PARD3: variants seen among roughly 807,000 people sequenced by gnomAD.
The protein encoded by PARD3 is partitioning defective 3 homolog.
A neutral mutation model predicts 155.4 loss-of-function variants in PARD3; 75 were observed. That is an observed-to-expected ratio of 0.48 (90% confidence interval 0.40 to 0.58). The LOEUF (loss-of-function observed/expected upper bound fraction) is 0.58. Ranked by LOEUF, PARD3 falls within the 20% of genes least tolerant of loss-of-function variation. PARD3 has a pLI of 0.00. For missense variants in PARD3, 1,642 were observed against 1,721.7 expected (o/e 0.95, Z 0.82); for synonymous variants, 576 against 610.5 (o/e 0.94, Z 0.83).
intron 20 of PARD3, among the ~76,000 whole-genome samples, chr10:34,294,097 G>A (rs2133982808): frequency 6.6e-6 from 1 of 152,154 alleles, no homozygotes; most frequent in South Asian, 2.1e-4. Context: ...ACAAACAACA[G>A]GAGGTATTCA....
chr10:34,237,983 A>G (rs1232729207), intron 22 of PARD3, among the ~76,000 whole-genome samples: 1 of 152,186 alleles, frequency 6.6e-6, no homozygotes, highest in Non-Finnish European at 1.5e-5. Context: ...GAGCAAAAAG[A>G]GAAAAAAGCA....
chr10:34,372,766 C>T (rs1241843716), intron 11 of PARD3, among the ~76,000 whole-genome samples: 1 of 152,056 alleles, frequency 6.6e-6, no homozygotes, highest in African/African-American at 2.4e-5. Flanking sequence ...TTTTTACTTG[C>T]TCATTCACAG....
intron 23 of PARD3, among the ~76,000 whole-genome samples, chr10:34,125,815 A>C (rs1337683060): frequency 2.0e-5 from 3 of 152,262 alleles, no homozygotes; most frequent in African/African-American, 7.2e-5. Flanking sequence ...GTCACTCCCA[A>C]CCTGGGATGG....
chr10:34,739,837 T>A lies in PARD3; in HGVS notation c.121-43418A>T, dbSNP rs1056357581. On this transcript the variant is annotated intron_variant, in intron 1 of 24. Transcript: ENST00000374788. ...TGTGCAAGATTCTATGCATAGAGGA[T>A]CTCTCTGCACATACCACATAGAATG... Among the ~76,000 whole-genome samples, 11 of 152,104 alleles carry A rather than the reference T, an allele frequency of 7.2e-5. No individual in the cohort carries two copies. In the South Asian group the frequency reaches 2.1e-3, roughly 29 times the overall value.
chr10:34,527,628 T>C (rs533946717), intron 2 of PARD3, among the ~76,000 whole-genome samples: 12 of 152,338 alleles, frequency 7.9e-5, no homozygotes, highest in South Asian at 4.1e-4. Context: ...CTTCAAGTTC[T>C]GAATGAAAGT....
chr10:34,428,871 G>A (rs900960773), intron 5 of PARD3, among the ~76,000 whole-genome samples: 24 of 152,130 alleles, frequency 1.6e-4, no homozygotes, highest in African/African-American at 5.6e-4. Context: ...CAAAATAGAA[G>A]TACGAATCAG....
At chr10:34,527,901 G>C (rs967773586) in intron 2 of PARD3, among the ~76,000 whole-genome samples, 1 of 152,144 alleles carries the variant, frequency 6.6e-6, no homozygotes, top group African/African-American at 2.4e-5. Context: ...ACAAAGGAGA[G>C]ATAACGGTGT....
intron 2 of PARD3, among the ~76,000 whole-genome samples, chr10:34,665,358 C>CA (rs201938800): frequency 0.015 from 1,704 of 114,832 alleles, 40 homozygotes; most frequent in African/African-American, 0.072. Flanking sequence ...CTGAAAAAAA[C>CA]AAACAAAAAA....
At chr10:34,498,149 G>T (rs184871252) in intron 3 of PARD3, among the ~76,000 whole-genome samples, 1 of 152,026 alleles carries the variant, frequency 6.6e-6, no homozygotes, top group Non-Finnish European at 1.5e-5. Context: ...TTTCAAATAC[G>T]AGTAGCATAG....
intron 2 of PARD3, among the ~76,000 whole-genome samples, chr10:34,561,402 T>A (rs896859182): frequency 2.6e-5 from 4 of 152,344 alleles, no homozygotes; most frequent in South Asian, 2.1e-4. Context: ...CAGTTTCCAT[T>A]TATCTTTATA....
Position 34,609,559 on chromosome 10 carries a change from T to G in PARD3, c.222+86759A>C, listed in dbSNP as rs556194639. ...ACTTACTTCCCTCTTTTTGTTTGTT[T>G]AGAGACAAGGTCTCCCTTTGTCACC... On this transcript the variant is annotated intron_variant, in intron 2 of 24. Transcript: ENST00000374788. Among the ~76,000 whole-genome samples the G allele has an allele frequency of 1.2e-4, 19 of 152,308 alleles. No individual in the cohort carries two copies. In the East Asian group the frequency reaches 3.7e-3, roughly 29 times the overall value.
chr10:34,206,641 A>G (rs1951493801), intron 22 of PARD3, among the ~76,000 whole-genome samples: 2 of 152,236 alleles, frequency 1.3e-5, no homozygotes, highest in African/African-American at 4.8e-5. Context: ...AGCAGCTCGG[A>G]GCAGTTCTGC....
chr10:34,248,819 A>T (rs1429860599), intron 22 of PARD3, among the ~76,000 whole-genome samples: 1 of 152,256 alleles, frequency 6.6e-6, no homozygotes, highest in Non-Finnish European at 1.5e-5. Flanking sequence ...ATTCATACTC[A>T]CACAAAGCAA....
chr10:34,183,327 C>T (rs910978558), intron 22 of PARD3, among the ~76,000 whole-genome samples: 2 of 151,980 alleles, frequency 1.3e-5, no homozygotes, highest in South Asian at 2.1e-4. Flanking sequence ...TCCCTGGGCT[C>T]GGGTGATCCT....
intron 22 of PARD3, among the ~76,000 whole-genome samples, chr10:34,181,903 AGAGG>A (rs1358920965): frequency 3.9e-5 from 6 of 152,274 alleles, no homozygotes; most frequent in Middle Eastern, 6.8e-3. Context: ...GGGTAAGGAT[AGAGG>A]GAAAAGGTGC....
At chr10:34,356,186 C>T (rs963780534) in intron 14 of PARD3, among the ~76,000 whole-genome samples, 3 of 152,068 alleles carry the variant, frequency 2.0e-5, no homozygotes, top group East Asian at 1.9e-4. Flanking sequence ...TGTGCCCTGT[C>T]GCGACTAATG....
intron 22 of PARD3, among the ~76,000 whole-genome samples, chr10:34,184,475 G>A (rs1351896085): frequency 6.6e-6 from 1 of 152,144 alleles, no homozygotes; most frequent in East Asian, 1.9e-4. Flanking sequence ...ATTAATTAAT[G>A]TTTGCAAAGT....
At chr10:34,673,704 T>C (rs2093647903) in intron 2 of PARD3, among the ~76,000 whole-genome samples, 1 of 152,226 alleles carries the variant, frequency 6.6e-6, no homozygotes, top group African/African-American at 2.4e-5. Flanking sequence ...TTCTGTTTTC[T>C]ATTTAGGAAT....
intron 3 of PARD3, among the ~76,000 whole-genome samples, chr10:34,483,458 G>A (rs2079223442): frequency 7.0e-6 from 1 of 141,954 alleles, no homozygotes; most frequent in Admixed American, 7.3e-5. Context: ...CTCAAGCCTG[G>A]ACGACAGAGT....
Sources: gnomAD v4.1 joint callset for allele counts (sites outside exome capture counted in the v4.1 genomes callset) on GRCh38, gnomAD v4.1.1 for gene constraint, MANE v1.5 for transcripts, NCBI Gene and HGNC (gene_info 2026-07-23, HGNC 2026-07-21) for gene names.